Variants in GRXCR1 observed in about 807,000 individuals in gnomAD.
GRXCR1 encodes the protein glutaredoxin and cysteine rich domain containing 1, also known as glutaredoxin domain-containing cysteine-rich protein 1.
In GRXCR1, 27 loss-of-function variants were observed where a neutral mutation model predicts 27.3. That is an observed-to-expected ratio of 0.99 (90% CI 0.73 to 1.37). GRXCR1 has a LOEUF of 1.37. Ranked by LOEUF, GRXCR1 falls within the 40% of genes most tolerant of loss-of-function variation. GRXCR1 has a pLI of 0.00. For missense variants in GRXCR1, 379 were observed against 354.4 expected, an observed-to-expected ratio of 1.07 and a Z score of -0.56; for synonymous variants, 122 against 131.1, an observed-to-expected ratio of 0.93 and a Z score of 0.47.
intron 2 of GRXCR1, among the ~76,000 whole-genome samples, chr4:43,010,109 G>A (rs1475299277): frequency 6.6e-6 from 1 of 152,070 alleles, no homozygotes; most frequent in Admixed American, 6.6e-5. Flanking sequence ...GGAAAAAGAG[G>A]AAGTGAGCAG....
intron 1 of GRXCR1, among the ~76,000 whole-genome samples, chr4:42,950,525 A>G (rs1747857841): frequency 6.6e-6 from 1 of 152,164 alleles, no homozygotes; most frequent in Non-Finnish European, 1.5e-5. Context: ...AAGCCAAGAT[A>G]TTCATATTAC....
At chr4:43,009,626 G>T (rs1254116461) in intron 2 of GRXCR1, among the ~76,000 whole-genome samples, 2 of 152,062 alleles carry the variant, frequency 1.3e-5, no homozygotes, top group East Asian at 1.9e-4. Context: ...CCCAATTCCT[G>T]GTTCATAGAT....
chr4:42,917,941 C>T (rs920093924), intron 1 of GRXCR1, among the ~76,000 whole-genome samples: 4 of 152,060 alleles, frequency 2.6e-5, no homozygotes, highest in African/African-American at 9.7e-5. Flanking sequence ...TCAGCACTTA[C>T]TTTTATCTGT....
At chr4:42,909,062 G>T (rs1746660139) in intron 1 of GRXCR1, among the ~76,000 whole-genome samples, 1 of 152,158 alleles carries the variant, frequency 6.6e-6, no homozygotes, top group South Asian at 2.1e-4. Context: ...TGCCCCAGTG[G>T]TTGTGAGCTG....
chr4:43,030,252 C>A (rs981122887), intron 3 of GRXCR1, 109 bp from the exon 4 acceptor site: 1 of 926,956 alleles, frequency 1.1e-6, no homozygotes, highest in Non-Finnish European at 1.8e-6. Context: ...CCATATTATG[C>A]CAATATTGCT....
intron 1 of GRXCR1, among the ~76,000 whole-genome samples, chr4:42,947,773 A>C (rs1419521644): frequency 6.6e-6 from 1 of 152,210 alleles, no homozygotes; most frequent in Admixed American, 6.5e-5. Flanking sequence ...ATAGCAATCA[A>C]TCTTGTTTTC....
intron 1 of GRXCR1, among the ~76,000 whole-genome samples, chr4:42,940,009 C>G (rs1288193606): frequency 6.6e-6 from 1 of 151,888 alleles, no homozygotes; most frequent in East Asian, 1.9e-4. Flanking sequence ...TCTGGCAAAG[C>G]CTTTACCCGT....
chr4:42,918,852 T>C (rs997276848), intron 1 of GRXCR1, among the ~76,000 whole-genome samples: 6 of 152,056 alleles, frequency 3.9e-5, no homozygotes, highest in African/African-American at 1.4e-4. Flanking sequence ...ATCTTCCTGT[T>C]TGGAAAATTA....
intron 2 of GRXCR1, among the ~76,000 whole-genome samples, chr4:42,982,108 A>G (rs540378499): frequency 5.9e-4 from 90 of 151,374 alleles, no homozygotes; most frequent in African/African-American, 2.1e-3. Flanking sequence ...ACATTGTGCA[A>G]GTTAGTTACA....
chr4:42,987,271 TATATATAG>T (rs1711798752), intron 2 of GRXCR1, among the ~76,000 whole-genome samples: 6 of 116,460 alleles, frequency 5.2e-5, no homozygotes, highest in African/African-American at 1.3e-4. Context: ...AATATATATA[TATATATAG>T]AGAGAGAGAG....
At chr4:42,918,964 T>C (rs2109749648) in intron 1 of GRXCR1, among the ~76,000 whole-genome samples, 1 of 152,206 alleles carries the variant, frequency 6.6e-6, no homozygotes, top group African/African-American at 2.4e-5. Context: ...ACACAAGAAT[T>C]TATTACAAAA....
rs548222085 is a variant in GRXCR1, at chr4:42,948,370, A to G, written c.385-14522A>G. ...CTTGTTTCTTTTTTATGCCCTTTCC[A>G]TTTCTTCAGTAGCATCTTGGAGAAA... On this transcript the variant is annotated intron_variant, in intron 1 of 3. Coordinates refer to ENST00000399770, the MANE Select transcript of GRXCR1 (RefSeq NM_001080476.3). Among the ~76,000 whole-genome samples, 14 of 151,938 alleles carry G rather than the reference A, an allele frequency of 9.2e-5. 1 individual carries two copies. The South Asian group carries it at 2.9e-3, about 32-fold the overall frequency.
At chr4:42,925,729 T>C (rs1052078855) in intron 1 of GRXCR1, among the ~76,000 whole-genome samples, 2 of 151,972 alleles carry the variant, frequency 1.3e-5, no homozygotes, top group Non-Finnish European at 2.9e-5. Context: ...CTTAATGAGC[T>C]GGAAAGATAG....
In GRXCR1 at chr4:43,028,284, A is replaced by G. The variant is rs550588011; in HGVS notation, c.694-2077A>G. 2.0e-4 allele frequency among the ~76,000 whole-genome samples: 30 copies of G among 152,384 alleles called. 3 individuals are homozygous for G. The highest frequency in any genetic ancestry group is 1.7e-3 in the South Asian group (8 of 4,834). On this transcript the variant is annotated intron_variant, in intron 3 of 3. Transcript: ENST00000399770. Reference sequence around the variant, plus strand: ...TCAGATAAATTATAAATAATTTTCTAGCTTAAGTATGTCTCATACAATATT... The same window carrying G: ...TCAGATAAATTATAAATAATTTTCTGGCTTAAGTATGTCTCATACAATATT...
chr4:42,914,907 C>T (rs888723545), intron 1 of GRXCR1, among the ~76,000 whole-genome samples: 22 of 152,068 alleles, frequency 1.4e-4, no homozygotes, highest in African/African-American at 3.9e-4. Flanking sequence ...AGGGGCTTCT[C>T]CCTTTGCTTG....
chr4:42,919,729 G>T (rs901951577), intron 1 of GRXCR1, among the ~76,000 whole-genome samples: 2 of 152,074 alleles, frequency 1.3e-5, no homozygotes, highest in Non-Finnish European at 2.9e-5. Context: ...TCCAGGAAAT[G>T]TGTTACATGC....
chr4:42,919,245 A>G (rs946464878), intron 1 of GRXCR1, among the ~76,000 whole-genome samples: 1 of 152,108 alleles, frequency 6.6e-6, no homozygotes, highest in Non-Finnish European at 1.5e-5. Context: ...TCAGTTCAGC[A>G]CTGTCTCTAC....
intron 2 of GRXCR1, among the ~76,000 whole-genome samples, chr4:43,012,306 T>C (rs1364315102): frequency 6.6e-6 from 1 of 152,222 alleles, no homozygotes; most frequent in Non-Finnish European, 1.5e-5. Context: ...TGCTACCTTT[T>C]CATTTTAACA....
At chr4:42,999,110 A>G (rs938954206) in intron 2 of GRXCR1, among the ~76,000 whole-genome samples, 1 of 152,246 alleles carries the variant, frequency 6.6e-6, no homozygotes, top group Admixed American at 6.5e-5. Context: ...GTGCATGTCC[A>G]CTATTGAGAA....
Sources: gnomAD v4.1 joint callset for allele counts (sites outside exome capture counted in the v4.1 genomes callset) on GRCh38, gnomAD v4.1.1 for gene constraint, MANE v1.5 for transcripts, NCBI Gene and HGNC (gene_info 2026-07-23, HGNC 2026-07-21) for gene names.